STARD9: variants seen among roughly 807,000 people sequenced by gnomAD.
STARD9 encodes stAR-related lipid transfer protein 9.
STARD9 carries 346 observed loss-of-function variants against 399.8 expected under a neutral mutation model. The observed-to-expected ratio is 0.87, with a 90% CI of 0.79 to 0.95. STARD9 has a LOEUF of 0.95. STARD9 is among the 40% of genes least tolerant of loss of function. STARD9 has a pLI of 0.00. For synonymous variants in STARD9, 2,203 were observed against 2,143.5 expected, an observed-to-expected ratio of 1.03 and a Z score of -0.77; for missense variants, 5,832 against 5,667.5, an observed-to-expected ratio of 1.03 and a Z score of -0.93.
intron 3 of STARD9, among the ~76,000 whole-genome samples, chr15:42,591,947 C>A (rs755879328): frequency 6.6e-6 from 1 of 152,142 alleles, no homozygotes; most frequent in Non-Finnish European, 1.5e-5. Flanking sequence ...AGGCATAGAA[C>A]GTTTATAGGA....
intron 3 of STARD9, among the ~76,000 whole-genome samples, chr15:42,629,285 C>T (rs993574224): frequency 6.6e-6 from 1 of 152,166 alleles, no homozygotes; most frequent in Non-Finnish European, 1.5e-5. Context: ...TCCTAAAGTG[C>T]TGGGATTACA....
chr15:42,607,150 T>G (rs1018992758), intron 3 of STARD9, among the ~76,000 whole-genome samples: 5 of 147,848 alleles, frequency 3.4e-5, no homozygotes, highest in African/African-American at 1.2e-4. Context: ...CTGTAACCAT[T>G]GTGCTCTTTT....
rs548001510 is a variant in STARD9, at chr15:42,693,756, G to A, written c.12178G>A (p.Gly4060Ser). 139 of 1,536,620 alleles carry A rather than the reference G, an allele frequency of 9.0e-5. No homozygotes were observed. The South Asian group carries it at 1.6e-3, about 17-fold the overall frequency. The change falls in exon 23 of 33, where the codon GGT becomes AGT. Residue 4060 changes from glycine (G) to serine (S), a missense_variant. Transcript: ENST00000290607. ...GTGGCAGAGCAGGACAGAAAATGGA[G>A]GTGAGAGTTCAGCATCTCCAGGGGA... ...SQWQSRTENG[G>S]ESSASPGEPQ...
At position 42,665,789 on chromosome 15, in the gene STARD9, A is replaced by G. The variant is rs768029936; in HGVS notation, c.1258A>G (p.Asn420Asp). 7.2e-6 allele frequency: 11 copies of G among 1,537,156 alleles called. No homozygotes were observed. The highest frequency in any genetic ancestry group is 9.6e-6 in the Non-Finnish European group (11 of 1,146,824). ...KALLLSFELR[N>D]FSSLSDENLK... ...GCACATCTCTATCTTTGTGCAGAGAAACTTCAGTTCATTGAGTGATGAAAA... is the reference window on the plus strand; with the variant it reads ...GCACATCTCTATCTTTGTGCAGAGAGACTTCAGTTCATTGAGTGATGAAAA... Residue 420 changes from asparagine to aspartate, a missense_variant, in exon 15 of 33, where the codon AAC becomes GAC. Physicochemically the swap from Asn to Asp is conservative, Grantham distance 23. This residue lies in a region of STARD9 where 5,828 missense variants were observed against 5,651.1 expected (regional missense o/e 1.03). Coordinates refer to ENST00000290607, the MANE Select transcript of STARD9 (RefSeq NM_020759.3).
At chr15:42,681,707 G>A (rs2060432249) in intron 21 of STARD9, 95 bp downstream of exon 21, 2 of 1,137,474 alleles carry the variant, frequency 1.8e-6, no homozygotes, top group African/African-American at 1.6e-5. Flanking sequence ...TGTTTTCTTT[G>A]TGATATGATG....
In STARD9 at chr15:42,692,984, A is replaced by C. The variant is rs1312042082; in HGVS notation, c.11406A>C (p.Glu3802Asp). The C allele has an allele frequency of 1.3e-6, 2 of 1,537,228 alleles. No homozygotes were observed. Among genetic ancestry groups the C allele is most frequent in the Non-Finnish European group, 1.7e-6 (2 of 1,146,904 alleles). The change falls in exon 23 of 33, where the codon GAA becomes GAC. Residue 3802 changes from glutamate (E) to aspartate (D), a missense_variant. Glu to Asp is a conservative substitution (Grantham distance 45, BLOSUM62 2). This residue lies in a region of STARD9 where 5,828 missense variants were observed against 5,651.1 expected (regional missense o/e 1.03). Transcript: ENST00000290607. ...QKMAQLLYLQ[E>D]ESTPYKPQSP... ...TGGCTCAGCTCCTCTATCTTCAGGA[A>C]GAAAGCACTCCCTACAAGCCCCAGA...
At chr15:42,578,612 A>C (rs112967787) in intron 1 of STARD9, among the ~76,000 whole-genome samples, 1 of 149,072 alleles carries the variant, frequency 6.7e-6, no homozygotes, top group Non-Finnish European at 1.5e-5. Context: ...CTCTTTACCC[A>C]CTGTATAGCT....
chr15:42,626,852 G>GTT (rs199980841), intron 3 of STARD9, among the ~76,000 whole-genome samples: 1 of 145,288 alleles, frequency 6.9e-6, no homozygotes, highest in Non-Finnish European at 1.5e-5. Context: ...TTTGATATCA[G>GTT]TTTTTTTTTT....
chr15:42,684,947 A>G lies in STARD9; in HGVS notation c.3369A>G (p.Pro1123=), dbSNP rs758359802. 3.8e-5 allele frequency: 59 copies of G among 1,536,938 alleles called. No homozygotes were observed. Among genetic ancestry groups the G allele is most frequent in the Non-Finnish European group, 5.1e-5 (58 of 1,146,934 alleles). ...SCVYAKALIE[P]LKPEERKWDF... is the part of the protein sequence containing the mutation. Reference sequence around the variant, plus strand: ...TCTATGCCAAAGCCCTGATAGAGCCACTGAAGCCAGAGGAGAGGAAATGGG... The same window carrying G: ...TCTATGCCAAAGCCCTGATAGAGCCGCTGAAGCCAGAGGAGAGGAAATGGG... The change falls in exon 23 of 33, where the codon CCA becomes CCG. Residue 1123 remains proline (P), a synonymous_variant. Transcript: ENST00000290607.
chr15:42,692,428 A>C lies in STARD9; in HGVS notation c.10850A>C (p.Glu3617Ala), dbSNP rs778964599. The change falls in exon 23 of 33, where the codon GAG becomes GCG. Residue 3617 changes from glutamate to alanine, a missense_variant. Physicochemically the swap from Glu to Ala is moderately radical, Grantham distance 107. Around this residue, in one of 2 missense-constraint regions of STARD9, gnomAD observed 5,828 missense variants for 5,651.1 expected, o/e 1.03. Coordinates refer to ENST00000290607, the MANE Select transcript of STARD9 (RefSeq NM_020759.3). Reference protein sequence around the residue: ...AKGSAAGPVDEIMLLYPSEAG... With the variant: ...AKGSAAGPVDAIMLLYPSEAG... ...GGAAGTGCTGCAGGTCCAGTGGATG[A>C]GATTATGCTGCTGTATCCATCAGAG... 2 of 1,536,962 alleles carry C rather than the reference A, an allele frequency of 1.3e-6. No homozygotes were observed. The highest frequency in any genetic ancestry group is 2.7e-5 in the African/African-American group (2 of 73,036).
chr15:42,598,747 T>C (rs570270657), intron 3 of STARD9, among the ~76,000 whole-genome samples: 1 of 152,326 alleles, frequency 6.6e-6, no homozygotes, highest in Non-Finnish European at 1.5e-5. Flanking sequence ...TATTGAAATA[T>C]ACAATAAATT....
rs1424687491 is a variant in STARD9 at position 42,684,388 on chromosome 15, G to A, written c.2810G>A (p.Gly937Glu). ...GTTGGCATCCAGGAAATGGAGATGGGGGTTAAGCAGCCCCATCAGATGGTG... is the reference window on the plus strand; with the variant it reads ...GTTGGCATCCAGGAAATGGAGATGGAGGTTAAGCAGCCCCATCAGATGGTG... Reference protein sequence around the residue: ...NSVGIQEMEMGVKQPHQMVSQ... With the variant: ...NSVGIQEMEMEVKQPHQMVSQ... Residue 937 changes from glycine (G) to glutamate (E), a missense_variant, in exon 23 of 33, where the codon GGG becomes GAG. This residue lies in a region of STARD9 where 5,828 missense variants were observed against 5,651.1 expected (regional missense o/e 1.03). Coordinates refer to ENST00000290607, the MANE Select transcript of STARD9 (RefSeq NM_020759.3). The A allele has an allele frequency of 6.5e-7, 1 of 1,537,114 alleles. No homozygotes were observed. The highest frequency in any genetic ancestry group is 1.2e-5 in the South Asian group (1 of 84,048).
Position 42,575,687 on chromosome 15 carries a change from A to G in STARD9, c.-29A>G, listed in dbSNP as rs774837219. The G allele has an allele frequency of 2.0e-6, 3 of 1,535,970 alleles. No homozygotes were observed. In the South Asian group the frequency reaches 3.6e-5, roughly 18 times the overall value. ...GGCCTGGGATGCTGCCGCTGAGCTGACCCGCTGGACTTGGGTTGTGGCAGA... is the reference window on the plus strand; with the variant it reads ...GGCCTGGGATGCTGCCGCTGAGCTGGCCCGCTGGACTTGGGTTGTGGCAGA... On this transcript the variant is annotated 5_prime_UTR_variant, in exon 1 of 33. An upstream open reading frame in the 5' UTR loses its in-frame stop. Transcript: ENST00000290607.
rs1446502744 is a variant in STARD9, at chr15:42,692,052, G to T, written c.10474G>T (p.Val3492Phe). The T allele has an allele frequency of 6.5e-7, 1 of 1,537,282 alleles. No individual in the cohort carries two copies. The highest frequency in any genetic ancestry group is 8.7e-7 in the Non-Finnish European group (1 of 1,146,922). ...SWKQYMSGSA[V>F]DVSCSQKPQG... ...GAAGCAGTATATGTCTGGCAGTGCAGTCGATGTTTCCTGCAGCCAGAAGCC... is the reference window on the plus strand; with the variant it reads ...GAAGCAGTATATGTCTGGCAGTGCATTCGATGTTTCCTGCAGCCAGAAGCC... Residue 3492 changes from valine (V) to phenylalanine (F), a missense_variant, in exon 23 of 33, where the codon GTC (valine) becomes TTC (phenylalanine). Val to Phe is a conservative substitution (Grantham distance 50). Transcript: ENST00000290607.
rs549319649 is a variant in STARD9, at chr15:42,675,200, C to G, written c.1687+236C>G. On this transcript the variant is annotated intron_variant, in intron 18 of 32. Transcript: ENST00000290607. ...ACCTGTGTTAATTAGCTCTGTCTCC[C>G]TAGGAAAGTCTCTGAGCCTCAACTT... 1.0e-3 allele frequency among the ~76,000 whole-genome samples: 159 copies of G among 152,276 alleles called. 1 individual carries two copies. The highest frequency in any genetic ancestry group is 1.7e-3 in the Non-Finnish European group (114 of 67,994).
Position 42,675,975 on chromosome 15 carries a change from G to C in STARD9, c.1874G>C (p.Arg625Thr). The stretch of plus-strand genomic sequence containing the variant: ...CTCTCCCCTTTGCTTTGGAAGGAAA[G>C]GTAAGAAATAGCTGCTTATACTGAT... ...LGLSPLLWKE[R>T]RALEEQCDED... The change falls in exon 20 of 33, where the codon AGG (arginine) becomes ACG (threonine). Residue 625 changes from arginine (R) to threonine (T), a missense_variant and splice_region_variant. Physicochemically the swap from Arg to Thr is moderately conservative, Grantham distance 71 (BLOSUM62 -1). Transcript: ENST00000290607. The C allele has an allele frequency of 7.1e-7, 1 of 1,413,008 alleles. No individual in the cohort carries two copies. Among genetic ancestry groups the C allele is most frequent in the Non-Finnish European group, 9.4e-7 (1 of 1,068,600 alleles). 87.5% of individuals were successfully genotyped at this position (1,413,008 alleles called of 1,614,324 possible).
chr15:42,610,350 C>T (rs1251980549), intron 3 of STARD9, among the ~76,000 whole-genome samples: 1 of 152,098 alleles, frequency 6.6e-6, no homozygotes, highest in Non-Finnish European at 1.5e-5. Flanking sequence ...ATATGACCCT[C>T]TAAAGCCCTC....
At chr15:42,709,601 T>C (rs35616173) in intron 26 of STARD9, among the ~76,000 whole-genome samples, 59,245 of 152,060 alleles carry the variant, frequency 0.39, 17,625 homozygotes, top group African/African-American at 0.84. Context: ...AGGAGAATAG[T>C]TTGAACCCGG....
chr15:42,643,723 C>G (rs942724691), intron 7 of STARD9, among the ~76,000 whole-genome samples: 1 of 151,944 alleles, frequency 6.6e-6, no homozygotes, highest in Admixed American at 6.6e-5. Context: ...ATGTCAAACT[C>G]CTGACCTTGT....
Sources: gnomAD v4.1 joint callset for allele counts (sites outside exome capture counted in the v4.1 genomes callset) on GRCh38, gnomAD v4.1.1 for gene constraint, gnomAD v4.1.1 regional missense constraint, MANE v1.5 for transcripts, NCBI Gene and HGNC (gene_info 2026-07-23, HGNC 2026-07-21) for gene names.